The following HMG20A variants were observed in gnomAD, a reference collection of about 807,000 sequenced individuals.
The protein encoded by HMG20A is high mobility group 20A, also known as high mobility group protein 20A.
Under a neutral mutation model 43.9 loss-of-function variants are expected in HMG20A, and 17 were observed. That is an observed-to-expected ratio of 0.39 (90% CI 0.27 to 0.58). The LOEUF (loss-of-function observed/expected upper bound fraction) is 0.58, where lower values mean the gene tolerates loss of function less well. Among genes scored for constraint, HMG20A ranks in the 20% least tolerant of loss-of-function variants. The pLI is 0.59. For synonymous variants in HMG20A, 132 were observed against 147.5 expected (o/e 0.89, Z 0.76); for missense variants, 341 against 438.2 (o/e 0.78, Z 1.98).
At chr15:77,466,726 C>T (rs968522825) in intron 3 of HMG20A, among the ~76,000 whole-genome samples, 1 of 152,198 alleles carries the variant, frequency 6.6e-6, no homozygotes, top group Non-Finnish European at 1.5e-5. Context: ...TGGATACTCT[C>T]CTGTCAGGAA....
intron 2 of HMG20A, 119 bp from the exon 3 acceptor site, chr15:77,464,121 G>A: frequency 8.9e-7 from 1 of 1,128,656 alleles, no homozygotes; most frequent in African/African-American, 1.6e-5. Flanking sequence ...CATTTATACA[G>A]ATTATTGGGG....
the HMG20A span, among the ~76,000 whole-genome samples, chr15:77,508,893 C>A: frequency 6.6e-6 from 1 of 152,192 alleles, no homozygotes; most frequent in South Asian, 2.1e-4. Flanking sequence ...CTTTTTCAGG[C>A]TTAGGGCCCT....
At chr15:77,507,484 T>C in the HMG20A span, among the ~76,000 whole-genome samples, 1 of 152,188 alleles carries the variant, frequency 6.6e-6, no homozygotes, top group Non-Finnish European at 1.5e-5. Flanking sequence ...TCTAGATTTA[T>C]GTGAAAATGA....
At chr15:77,447,663 T>C (rs2073689391) in intron 1 of HMG20A, 1 of 152,246 alleles carries the variant, frequency 6.6e-6, no homozygotes, top group Admixed American at 6.5e-5. Context: ...GATAGAAGTT[T>C]AATTTTTGTT....
the HMG20A span, among the ~76,000 whole-genome samples, chr15:77,517,289 C>T: frequency 2.0e-5 from 3 of 152,148 alleles, no homozygotes; most frequent in East Asian, 5.8e-4. Flanking sequence ...CTGAGGATCT[C>T]GTGGTCTACA....
chr15:77,476,641 C>T lies in HMG20A; in HGVS notation c.616-914C>T, dbSNP rs373187471. 3.9e-5 allele frequency among the ~76,000 whole-genome samples: 6 copies of T among 152,018 alleles called. No homozygotes were observed. The East Asian group carries it at 7.7e-4, about 20-fold the overall frequency. The stretch of plus-strand genomic sequence containing the variant: ...AAGGTCCTGGGATCTTAAGATTTCA[C>T]TAGCAGTTTCTTCATTTCTCACTTC... On this transcript the variant is annotated intron_variant, in intron 6 of 9. Transcript: ENST00000336216.
At chr15:77,462,540 A>C (rs2072713886) in intron 2 of HMG20A, among the ~76,000 whole-genome samples, 1 of 151,900 alleles carries the variant, frequency 6.6e-6, no homozygotes, top group Non-Finnish European at 1.5e-5. Flanking sequence ...TGTCTGTGGT[A>C]CATTTCTACT....
At chr15:77,423,031 C>A (rs933018349) in intron 1 of HMG20A, among the ~76,000 whole-genome samples, 2 of 152,044 alleles carry the variant, frequency 1.3e-5, no homozygotes, top group Non-Finnish European at 2.9e-5. Flanking sequence ...TAGAGAATAT[C>A]ATGTTAAAAT....
chr15:77,512,697 G>T, the HMG20A span, among the ~76,000 whole-genome samples: 1 of 151,958 alleles, frequency 6.6e-6, no homozygotes, highest in Non-Finnish European at 1.5e-5. Context: ...AATCATTAAT[G>T]GATACTAAAC....
At chr15:77,443,474 A>T (rs745350882) in intron 1 of HMG20A, among the ~76,000 whole-genome samples, 7 of 142,712 alleles carry the variant, frequency 4.9e-5, no homozygotes, top group Non-Finnish European at 9.2e-5. Context: ...TCACTGCAAC[A>T]TCCACCTCCT....
intron 1 of HMG20A, among the ~76,000 whole-genome samples, chr15:77,446,108 C>T (rs887378524): frequency 6.6e-6 from 1 of 152,070 alleles, no homozygotes; most frequent in African/African-American, 2.4e-5. Context: ...GCTGTGTGGT[C>T]CTTCTCAGGT....
chr15:77,510,511 G>A, the HMG20A span, among the ~76,000 whole-genome samples: 11 of 152,360 alleles, frequency 7.2e-5, no homozygotes, highest in Non-Finnish European at 1.6e-4. Flanking sequence ...ACTCAGCTAA[G>A]AGCTTCTGCA....
chr15:77,440,999 T>G (rs1034796376), intron 1 of HMG20A, among the ~76,000 whole-genome samples: 5 of 152,166 alleles, frequency 3.3e-5, no homozygotes, highest in Admixed American at 6.5e-5. Flanking sequence ...TGCCTGGTAC[T>G]TAGTAAGCAA....
the HMG20A span, among the ~76,000 whole-genome samples, chr15:77,505,754 A>G: frequency 1.3e-5 from 2 of 152,220 alleles, no homozygotes; most frequent in Non-Finnish European, 2.9e-5. Context: ...GCAGGGCCGG[A>G]GGGCATGTCC....
chr15:77,450,127 TA>T (rs201678151), intron 1 of HMG20A, among the ~76,000 whole-genome samples: 28 of 152,148 alleles, frequency 1.8e-4, no homozygotes, highest in African/African-American at 6.5e-4. Flanking sequence ...TTTATTTATT[TA>T]TTTTTTTATT....
the HMG20A span, among the ~76,000 whole-genome samples, chr15:77,512,775 TTAA>T: frequency 6.6e-6 from 1 of 151,816 alleles, no homozygotes; most frequent in South Asian, 2.1e-4. Context: ...ATATAAAATA[TTAA>T]TTAATTAATT....
chr15:77,507,549 C>T, the HMG20A span, among the ~76,000 whole-genome samples: 8 of 152,134 alleles, frequency 5.3e-5, no homozygotes, highest in African/African-American at 1.9e-4. Flanking sequence ...GGAAGTGGGA[C>T]GCAAGCAAAG....
intron 1 of HMG20A, among the ~76,000 whole-genome samples, chr15:77,427,202 A>G (rs913532205): frequency 6.6e-6 from 1 of 152,186 alleles, no homozygotes; most frequent in Non-Finnish European, 1.5e-5. Flanking sequence ...TCCTCAGGTA[A>G]TAAAAATAGA....
At chr15:77,450,798 T>C (rs183022437) in intron 1 of HMG20A, among the ~76,000 whole-genome samples, 2 of 152,354 alleles carry the variant, frequency 1.3e-5, no homozygotes, top group Admixed American at 1.3e-4. Flanking sequence ...TGTGGAATTT[T>C]TGTATTTTGT....
Sources: allele counts gnomAD v4.1 joint callset (sites outside exome capture counted in the v4.1 genomes callset), GRCh38; gene constraint gnomAD v4.1.1; transcripts MANE v1.5; gene names NCBI Gene and HGNC (gene_info 2026-07-23, HGNC 2026-07-21).